The following C10orf67 variants were observed in gnomAD, a reference collection of about 807,000 sequenced individuals.
The protein encoded by C10orf67 is uncharacterized protein C10orf67, mitochondrial.
C10orf67 carries 60 observed loss-of-function variants against 35.6 expected under a neutral mutation model. The ratio of observed to expected loss-of-function variants is 1.68; its 90% CI spans 1.37 to 2.09. The LOEUF (loss-of-function observed/expected upper bound fraction) is 2.09, where lower values mean the gene tolerates loss of function less well. Among genes scored for constraint, C10orf67 ranks in the 30% most tolerant of loss-of-function variants. The probability of loss-of-function intolerance (pLI) is 0.00; values close to 1 mark genes in which losing one functional copy is unlikely to be tolerated. For missense variants in C10orf67, 474 were observed against 330.2 expected (o/e 1.44, Z -3.38); for synonymous variants, 167 against 115.8 (o/e 1.44, Z -2.84).
At chr10:23,319,035 C>T in intron 4 of C10orf67, 1 of 689,564 alleles carries the variant, frequency 1.5e-6, no homozygotes, top group Non-Finnish European at 2.7e-6. Flanking sequence ...TCAGAGGGTA[C>T]ATGTACAGGT....
Position 23,270,469 on chromosome 10 carries a change from A to G in C10orf67, c.976-3215T>C, listed in dbSNP as rs553093606. On this transcript the variant is annotated intron_variant, in intron 8 of 15. Transcript: ENST00000636213. Reference sequence around the variant, plus strand: ...TGGCAGACTAGCTGCTCAGGCATACATGGAGATCCAGCAGTTTTACATACT... The same window carrying G: ...TGGCAGACTAGCTGCTCAGGCATACGTGGAGATCCAGCAGTTTTACATACT... Among the ~76,000 whole-genome samples the G allele has an allele frequency of 3.1e-4, 47 of 152,322 alleles. No homozygotes were observed. In the South Asian group the frequency reaches 3.3e-3, roughly 11 times the overall value.
At chr10:23,218,038 T>C (rs1841477322) in intron 15 of C10orf67, among the ~76,000 whole-genome samples, 1 of 152,216 alleles carries the variant, frequency 6.6e-6, no homozygotes, top group Non-Finnish European at 1.5e-5. Context: ...CTCTTATTTT[T>C]GTCATCACTT....
At chr10:23,280,092 T>G (rs1257735632) in intron 8 of C10orf67, among the ~76,000 whole-genome samples, 1 of 152,160 alleles carries the variant, frequency 6.6e-6, no homozygotes, top group African/African-American at 2.4e-5. Context: ...TGGGCTCAAG[T>G]GATCCTCCCA....
At chr10:23,260,539 A>C (rs949718505) in intron 10 of C10orf67, among the ~76,000 whole-genome samples, 1 of 152,196 alleles carries the variant, frequency 6.6e-6, no homozygotes, top group African/African-American at 2.4e-5. Flanking sequence ...TTTTTGAAGC[A>C]TATAACATGT....
chr10:23,270,385 C>T lies in C10orf67; in HGVS notation c.976-3131G>A, dbSNP rs1842984256. On this transcript the variant is annotated intron_variant, in intron 8 of 15. Coordinates refer to ENST00000636213, the MANE Select transcript of C10orf67 (RefSeq NM_001371909.1). ...TTTGCAACCTGTGGATCAGGAGATC[C>T]CCTCATGAGCCCATACCACCAGGGC... 3.3e-5 allele frequency among the ~76,000 whole-genome samples: 5 copies of T among 152,258 alleles called. No individual in the cohort carries two copies. In the South Asian group the frequency reaches 6.2e-4, roughly 19 times the overall value.
intron 8 of C10orf67, among the ~76,000 whole-genome samples, chr10:23,281,341 C>G (rs1379590985): frequency 6.6e-6 from 1 of 152,160 alleles, no homozygotes; most frequent in African/African-American, 2.4e-5. Flanking sequence ...TATGAGCAAC[C>G]TTTTCTCTTC....
At chr10:23,202,374 A>G (rs1841049072), downstream of C10orf67, 1 of 152,234 alleles carries the variant, frequency 6.6e-6, no homozygotes, top group African/African-American at 2.4e-5. Flanking sequence ...CTCAAAAGAC[A>G]AACTATGAAA....
At chr10:23,337,853 C>T (rs1845747522) in intron 1 of C10orf67, among the ~76,000 whole-genome samples, 1 of 152,174 alleles carries the variant, frequency 6.6e-6, no homozygotes, top group Non-Finnish European at 1.5e-5. Context: ...TACCTGCAGT[C>T]TCACAGCCAC....
chr10:23,275,731 GT>G (rs1843169371), intron 8 of C10orf67, among the ~76,000 whole-genome samples: 1 of 152,092 alleles, frequency 6.6e-6, no homozygotes, highest in Admixed American at 6.6e-5. Flanking sequence ...TTCCCTTGAT[GT>G]TTGACTTTTG....
chr10:23,326,993 A>C (rs1845225104), intron 2 of C10orf67, among the ~76,000 whole-genome samples: 1 of 152,156 alleles, frequency 6.6e-6, no homozygotes, highest in African/African-American at 2.4e-5. Flanking sequence ...TAATAATAAA[A>C]AAGACAGAAG....
intron 15 of C10orf67, among the ~76,000 whole-genome samples, chr10:23,205,996 A>G (rs767548396): frequency 6.6e-6 from 1 of 152,212 alleles, no homozygotes; most frequent in Non-Finnish European, 1.5e-5. Context: ...ACTGCTATAA[A>G]TTGCAATTCA....
intron 8 of C10orf67, among the ~76,000 whole-genome samples, chr10:23,275,626 C>G (rs1381069243): frequency 6.6e-6 from 1 of 152,144 alleles, no homozygotes; most frequent in African/African-American, 2.4e-5. Flanking sequence ...CACAGAGGCA[C>G]TCTAGCATGC....
intron 5 of C10orf67, among the ~76,000 whole-genome samples, chr10:23,302,466 G>A (rs1251695519): frequency 6.6e-6 from 1 of 152,118 alleles, no homozygotes; most frequent in East Asian, 1.9e-4. Context: ...CTGTGAGAAT[G>A]AGAAGAGATG....
intron 8 of C10orf67, among the ~76,000 whole-genome samples, chr10:23,278,631 G>T (rs1843267251): frequency 1.3e-5 from 2 of 152,166 alleles, no homozygotes; most frequent in Admixed American, 6.5e-5. Flanking sequence ...ATGAGGGTGG[G>T]CACCTCTTCC....
chr10:23,321,625 T>C (rs1844960480), intron 3 of C10orf67, among the ~76,000 whole-genome samples: 1 of 152,232 alleles, frequency 6.6e-6, no homozygotes, highest in South Asian at 2.1e-4. Context: ...TCTTGATCTG[T>C]AAATCACGGA....
intron 7 of C10orf67, 81 bp downstream of exon 7, chr10:23,289,819 T>C (rs1843661093): frequency 1.0e-5 from 7 of 692,192 alleles, no homozygotes; most frequent in South Asian, 9.8e-5. Flanking sequence ...CATAAGACAC[T>C]CTGGACACAG....
intron 15 of C10orf67, among the ~76,000 whole-genome samples, chr10:23,216,662 G>T (rs1841440081): frequency 6.6e-6 from 1 of 152,010 alleles, no homozygotes; most frequent in South Asian, 2.1e-4. Context: ...ATGAACTCAA[G>T]CTACATACAG....
chr10:23,263,264 G>A (rs1402571037), intron 10 of C10orf67, among the ~76,000 whole-genome samples: 1 of 152,166 alleles, frequency 6.6e-6, no homozygotes, highest in Non-Finnish European at 1.5e-5. Flanking sequence ...TATCTTAAAT[G>A]TGCAATTTAA....
intron 8 of C10orf67, among the ~76,000 whole-genome samples, chr10:23,280,344 C>G (rs1843333052): frequency 6.6e-6 from 1 of 152,198 alleles, no homozygotes; most frequent in Non-Finnish European, 1.5e-5. Context: ...CCCACTCTCC[C>G]TTGTCAGTGC....
Sources: gnomAD v4.1 joint callset for allele counts (sites outside exome capture counted in the v4.1 genomes callset) on GRCh38, gnomAD v4.1.1 for gene constraint, MANE v1.5 for transcripts, NCBI Gene and HGNC (gene_info 2026-07-23, HGNC 2026-07-21) for gene names.